PRIM2: variants seen among roughly 807,000 people sequenced by gnomAD.
The protein encoded by PRIM2 is DNA primase large subunit.
PRIM2 carries 39 observed loss-of-function variants against 67.3 expected under a neutral mutation model. The ratio of observed to expected loss-of-function variants is 0.58; its 90% confidence interval spans 0.45 to 0.76. PRIM2 has a LOEUF of 0.76. Ranked by LOEUF, PRIM2 falls within the 30% of genes least tolerant of loss-of-function variation. The pLI is 0.00. For synonymous variants in PRIM2, 143 were observed against 198.7 expected (o/e 0.72, Z 2.36); for missense variants, 398 against 598.7 (o/e 0.66, Z 3.50).
At chr6:57,407,886 C>T (rs1342684281) in intron 7 of PRIM2, among the ~76,000 whole-genome samples, 1 of 152,162 alleles carries the variant, frequency 6.6e-6, no homozygotes, top group African/African-American at 2.4e-5. Context: ...TATGTGTTCT[C>T]AATTTAACCC....
At chr6:57,423,616 A>C (rs1771529974) in intron 7 of PRIM2, among the ~76,000 whole-genome samples, 1 of 152,200 alleles carries the variant, frequency 6.6e-6, no homozygotes, top group Non-Finnish European at 1.5e-5. Flanking sequence ...TAAAGATCGG[A>C]GACTAAGACG....
intron 7 of PRIM2, among the ~76,000 whole-genome samples, chr6:57,480,917 C>T (rs1773608975): frequency 1.3e-5 from 2 of 152,280 alleles, no homozygotes; most frequent in African/African-American, 4.8e-5. Flanking sequence ...TGAGCCATCG[C>T]ACCCGGCCCA....
At chr6:57,523,887 T>C (rs1360919610) in intron 8 of PRIM2, among the ~76,000 whole-genome samples, 2 of 152,154 alleles carry the variant, frequency 1.3e-5, no homozygotes, top group African/African-American at 2.4e-5. Flanking sequence ...GGACTTAAAT[T>C]TCTGTTGTTT....
At chr6:57,549,272 A>T (rs1420815837) in intron 10 of PRIM2, among the ~76,000 whole-genome samples, 86 of 152,282 alleles carry the variant, frequency 5.6e-4, no homozygotes, top group Non-Finnish European at 1.1e-3. Context: ...TTAATCTCAC[A>T]CCACCACCAT....
chr6:57,623,015 G>A (rs1211246063), intron 12 of PRIM2, among the ~76,000 whole-genome samples: 1 of 152,182 alleles, frequency 6.6e-6, no homozygotes, highest in Non-Finnish European at 1.5e-5. Context: ...GTGGATGATA[G>A]TATTCTGTCT....
At chr6:57,626,218 G>T (rs1316512555) in intron 12 of PRIM2, among the ~76,000 whole-genome samples, 2 of 152,220 alleles carry the variant, frequency 1.3e-5, no homozygotes, top group East Asian at 3.9e-4. Flanking sequence ...TCGTTGGCAG[G>T]CATTGAAGCA....
intron 12 of PRIM2, among the ~76,000 whole-genome samples, chr6:57,612,433 C>T (rs1776683910): frequency 2.0e-5 from 3 of 152,138 alleles, no homozygotes; most frequent in East Asian, 3.9e-4. Context: ...TACTGGTATA[C>T]CCATTAACAT....
At chr6:57,360,070 A>G (rs1007124151) in intron 5 of PRIM2, among the ~76,000 whole-genome samples, 47 of 152,282 alleles carry the variant, frequency 3.1e-4, no homozygotes, top group Non-Finnish European at 5.3e-4. Context: ...AGCCCCTTAG[A>G]GTTTGCCAAA....
the PRIM2 span, among the ~76,000 whole-genome samples, chr6:57,282,926 C>G: frequency 6.6e-6 from 1 of 152,124 alleles, no homozygotes; most frequent in Non-Finnish European, 1.5e-5. Flanking sequence ...CCCAATACAC[C>G]TCCACATTTC....
At chr6:57,423,123 T>G (rs1771517126) in intron 7 of PRIM2, among the ~76,000 whole-genome samples, 1 of 152,190 alleles carries the variant, frequency 6.6e-6, no homozygotes, top group Non-Finnish European at 1.5e-5. Flanking sequence ...TTTTTCACTT[T>G]GCAGTTGACT....
chr6:57,423,542 C>T (rs1389488332), intron 7 of PRIM2, among the ~76,000 whole-genome samples: 1 of 152,130 alleles, frequency 6.6e-6, no homozygotes, highest in Non-Finnish European at 1.5e-5. Flanking sequence ...GTGGCAAAGT[C>T]AGGAAGCTTG....
chr6:57,232,519 A>G, the PRIM2 span, among the ~76,000 whole-genome samples: 1 of 152,240 alleles, frequency 6.6e-6, no homozygotes, highest in Non-Finnish European at 1.5e-5. Context: ...ACTGCACTCC[A>G]GCCTGGGTGA....
At chr6:57,402,261 C>T (rs1770738446) in intron 7 of PRIM2, among the ~76,000 whole-genome samples, 3 of 152,162 alleles carry the variant, frequency 2.0e-5, no homozygotes, top group Admixed American at 6.5e-5. Context: ...GAGCTCTGTG[C>T]CAGCAAGGTA....
At chr6:57,427,168 T>C (rs376783996) in intron 7 of PRIM2, among the ~76,000 whole-genome samples, 1 of 152,220 alleles carries the variant, frequency 6.6e-6, no homozygotes, top group South Asian at 2.1e-4. Context: ...TCATCCTGTA[T>C]TTTTTCAGTC....
chr6:57,512,960 A>G (rs1433594251), intron 8 of PRIM2, among the ~76,000 whole-genome samples: 1 of 152,066 alleles, frequency 6.6e-6, no homozygotes, highest in Non-Finnish European at 1.5e-5. Flanking sequence ...TCCTCAAAAG[A>G]GATGAATTAA....
At chr6:57,632,646 T>C (rs1186549238) in intron 13 of PRIM2, among the ~76,000 whole-genome samples, 2 of 152,046 alleles carry the variant, frequency 1.3e-5, no homozygotes, top group African/African-American at 2.4e-5. Context: ...ACTCTATTGA[T>C]AAAATTAGGT....
upstream of PRIM2, among the ~76,000 whole-genome samples, chr6:57,310,118 C>A (rs1412092784): frequency 6.6e-6 from 1 of 151,982 alleles, no homozygotes; most frequent in Non-Finnish European, 1.5e-5. Context: ...ACAACCCCAT[C>A]AAAAAGTGGG....
intron 5 of PRIM2, among the ~76,000 whole-genome samples, chr6:57,335,822 GCAGTTCCTCACCAGCAACGGAA>G (rs1473277182): frequency 6.6e-6 from 1 of 152,072 alleles, no homozygotes; most frequent in African/African-American, 2.4e-5. Context: ...CCAAAGGAAC[GCAGTTCCTCACCAGCAACGGAA>G]CAAAGCTGGA....
intron 12 of PRIM2, among the ~76,000 whole-genome samples, chr6:57,625,602 G>A (rs1342087513): frequency 1.3e-5 from 2 of 152,164 alleles, no homozygotes; most frequent in Non-Finnish European, 2.9e-5. Context: ...TTGTGGCAAT[G>A]TGGCAGCTAT....
Sources: allele counts gnomAD v4.1 joint callset (sites outside exome capture counted in the v4.1 genomes callset), GRCh38; gene constraint gnomAD v4.1.1; transcripts MANE v1.5; gene names NCBI Gene and HGNC (gene_info 2026-07-23, HGNC 2026-07-21).